CTNNA2: variants seen among roughly 807,000 people sequenced by gnomAD.
CTNNA2 encodes catenin alpha 2, also known as catenin alpha-2.
Under a neutral mutation model 101.0 loss-of-function variants are expected in CTNNA2, and 42 were observed. The ratio of observed to expected loss-of-function variants is 0.42; its 90% CI spans 0.32 to 0.54. The LOEUF (loss-of-function observed/expected upper bound fraction) is 0.54, where lower values mean the gene tolerates loss of function less well. Among genes scored for constraint, CTNNA2 ranks in the 20% least tolerant of loss-of-function variants. The pLI is 0.14. For synonymous variants in CTNNA2, 450 were observed against 456.4 expected, an observed-to-expected ratio of 0.99 and a Z score of 0.18; for missense variants, 871 against 1,223.1, an observed-to-expected ratio of 0.71 and a Z score of 4.29.
At chr2:79,393,455 C>T (rs570859257) in intron 4 of CTNNA2, among the ~76,000 whole-genome samples, 1 of 152,094 alleles carries the variant, frequency 6.6e-6, no homozygotes, top group Non-Finnish European at 1.5e-5. Flanking sequence ...TTCTCTCACA[C>T]TACACTGGCA....
At chr2:79,295,644 G>A (rs1008696812) in intron 2 of CTNNA2, among the ~76,000 whole-genome samples, 1 of 151,436 alleles carries the variant, frequency 6.6e-6, no homozygotes, top group African/African-American at 2.4e-5. Flanking sequence ...TCTTTTCCTG[G>A]CAGATGCTGA....
chr2:80,300,299 T>G (rs1198272678), intron 7 of CTNNA2, among the ~76,000 whole-genome samples: 25 of 144,614 alleles, frequency 1.7e-4, no homozygotes, highest in African/African-American at 6.9e-4. Context: ...TGTGTGTGTG[T>G]GTGTGTGTGT....
intron 7 of CTNNA2, among the ~76,000 whole-genome samples, chr2:79,936,360 AC>A (rs1687790295): frequency 6.6e-6 from 1 of 151,628 alleles, no homozygotes; most frequent in African/African-American, 2.4e-5. Flanking sequence ...TAATTGTCAT[AC>A]CTGTGAAAGG....
intron 7 of CTNNA2, among the ~76,000 whole-genome samples, chr2:80,148,127 T>C (rs1387301127): frequency 1.3e-5 from 2 of 152,224 alleles, no homozygotes; most frequent in South Asian, 4.1e-4. Flanking sequence ...CTTTCCTCCA[T>C]TGCAAATATC....
At chr2:79,448,176 T>C (rs940699262) in intron 4 of CTNNA2, among the ~76,000 whole-genome samples, 10 of 152,114 alleles carry the variant, frequency 6.6e-5, no homozygotes, top group African/African-American at 2.4e-4. Flanking sequence ...TGATGAAACC[T>C]TGGTGAATCT....
Position 80,545,020 on chromosome 2 carries a change from A to C in CTNNA2, c.1329A>C (p.Glu443Asp). The part of the protein sequence containing the change: ...NLACSISNNE[E>D]GVKLVRMAAT... ...CCTGTTCCATCTCCAACAATGAAGA[A>C]GGGGTGAAATTAGTTCGGATGGCAG... The change falls in exon 10 of 19, where the codon GAA (glutamate) becomes GAC (aspartate). Residue 443 changes from glutamate to aspartate, a missense_variant. By Grantham distance (45) the Glu-to-Asp change is conservative. Coordinates refer to ENST00000402739, the MANE Select transcript of CTNNA2 (RefSeq NM_001282597.3). The C allele has an allele frequency of 6.2e-7, 1 of 1,614,048 alleles. No individual in the cohort carries two copies. The highest frequency in any genetic ancestry group is 8.5e-7 in the Non-Finnish European group (1 of 1,179,940).
intron 7 of CTNNA2, among the ~76,000 whole-genome samples, chr2:80,084,534 G>A (rs1221079805): frequency 1.3e-5 from 2 of 151,978 alleles, no homozygotes; most frequent in African/African-American, 2.4e-5. Flanking sequence ...CAATCAGCTC[G>A]TATTGAATTT....
intron 11 of CTNNA2, among the ~76,000 whole-genome samples, chr2:80,550,433 G>T (rs933561211): frequency 1.3e-5 from 2 of 152,126 alleles, no homozygotes; most frequent in African/African-American, 2.4e-5. Context: ...TGCGTTGATT[G>T]ACTATTCCTT....
chr2:79,903,313 C>G (rs918344599), intron 6 of CTNNA2, among the ~76,000 whole-genome samples: 2 of 152,014 alleles, frequency 1.3e-5, no homozygotes, highest in African/African-American at 4.8e-5. Flanking sequence ...CTCTTTTGGG[C>G]TCTGAAGGCT....
At chr2:79,288,440 C>G (rs917397990) in intron 2 of CTNNA2, among the ~76,000 whole-genome samples, 2 of 152,190 alleles carry the variant, frequency 1.3e-5, no homozygotes, top group Non-Finnish European at 2.9e-5. Context: ...CGCTTGGAGT[C>G]TCTCATTGAT....
chr2:80,574,195 G>A lies in CTNNA2; in HGVS notation c.1774G>A (p.Ala592Thr), dbSNP rs752188965. 6.2e-7 allele frequency: 1 copy of A among 1,613,456 alleles called. No homozygotes were observed. The highest frequency in any genetic ancestry group is 8.5e-7 in the Non-Finnish European group (1 of 1,179,626). The change falls in exon 13 of 19, where the codon GCC becomes ACC. Residue 592 changes from alanine (A) to threonine (T), a missense_variant. Physicochemically the swap from Ala to Thr is moderately conservative, Grantham distance 58. Transcript: ENST00000402739. ...MPRFAEQVEV[A>T]IEALSANVPQ... ...ACGCTTCGCTGAACAAGTAGAGGTTGCCATTGAAGCCCTGAGTGCCAACGT... is the reference window on the plus strand; with the variant it reads ...ACGCTTCGCTGAACAAGTAGAGGTTACCATTGAAGCCCTGAGTGCCAACGT...
chr2:79,848,718 CT>C (rs1406426371), intron 3 of CTNNA2, among the ~76,000 whole-genome samples: 2 of 152,166 alleles, frequency 1.3e-5, no homozygotes, highest in African/African-American at 4.8e-5. Flanking sequence ...CTGAACATAT[CT>C]TGATAGGGCA....
chr2:79,319,175 A>G (rs1358859225), intron 3 of CTNNA2, among the ~76,000 whole-genome samples: 2 of 152,188 alleles, frequency 1.3e-5, no homozygotes, highest in East Asian at 1.9e-4. Flanking sequence ...TTCAAAACCC[A>G]TTATACACTG....
At chr2:79,711,124 T>C (rs1344131170) in intron 2 of CTNNA2, among the ~76,000 whole-genome samples, 1 of 152,220 alleles carries the variant, frequency 6.6e-6, no homozygotes, top group Non-Finnish European at 1.5e-5. Flanking sequence ...TGTGTAGCTG[T>C]AAAGTGGAAT....
chr2:79,764,636 C>T (rs1018740545), intron 3 of CTNNA2, among the ~76,000 whole-genome samples: 2 of 152,136 alleles, frequency 1.3e-5, no homozygotes, highest in Non-Finnish European at 2.9e-5. Flanking sequence ...CAGGAAAAGC[C>T]TTGTTGGTTC....
chr2:79,500,158 C>G (rs994321578), intron 4 of CTNNA2, among the ~76,000 whole-genome samples: 1 of 152,200 alleles, frequency 6.6e-6, no homozygotes, highest in African/African-American at 2.4e-5. Context: ...CAGATCTGTG[C>G]TCATTCATGA....
intron 3 of CTNNA2, among the ~76,000 whole-genome samples, chr2:79,362,540 A>AT (rs1318154638): frequency 2.6e-5 from 4 of 152,080 alleles, no homozygotes; most frequent in African/African-American, 9.7e-5. Context: ...ACTCCATGGG[A>AT]TTTTCATGCC....
At chr2:79,449,359 T>C (rs1678865559) in intron 4 of CTNNA2, among the ~76,000 whole-genome samples, 1 of 151,966 alleles carries the variant, frequency 6.6e-6, no homozygotes, top group Non-Finnish European at 1.5e-5. Context: ...TTGAAAGGAA[T>C]GGGTCTCATG....
At chr2:79,479,861 C>G (rs148688787) in intron 4 of CTNNA2, among the ~76,000 whole-genome samples, 1 of 151,480 alleles carries the variant, frequency 6.6e-6, no homozygotes, top group Admixed American at 6.6e-5. Flanking sequence ...AGATGGAGGT[C>G]GCAGTGAGCT....
Sources: allele counts gnomAD v4.1 joint callset (sites outside exome capture counted in the v4.1 genomes callset), GRCh38; gene constraint gnomAD v4.1.1; transcripts MANE v1.5; gene names NCBI Gene and HGNC (gene_info 2026-07-23, HGNC 2026-07-21).